The following SLK variants were observed in gnomAD, a reference collection of about 807,000 sequenced individuals.
The protein encoded by SLK is STE20-like serine/threonine-protein kinase.
SLK carries 67 observed loss-of-function variants against 147.7 expected under a neutral mutation model. That is an observed-to-expected ratio of 0.45 (90% CI 0.37 to 0.56). The LOEUF is 0.56. Among genes scored for constraint, SLK ranks in the 20% least tolerant of loss-of-function variants. The pLI, the probability that SLK is intolerant of heterozygous loss-of-function variation, is 0.00. For missense variants in SLK, 1,136 were observed against 1,438.8 expected, an observed-to-expected ratio of 0.79 and a Z score of 3.41; for synonymous variants, 441 against 475.0, an observed-to-expected ratio of 0.93 and a Z score of 0.93.
chr10:103,999,831 A>G (rs1014933534), intron 6 of SLK, 36 bp from the exon 7 acceptor site: 3 of 878,036 alleles, frequency 3.4e-6, no homozygotes, highest in Non-Finnish European at 5.5e-6. Context: ...ATTAACAAGA[A>G]AGTAAAATAG....
intron 1 of SLK, among the ~76,000 whole-genome samples, chr10:103,990,369 C>T (rs928966498): frequency 6.6e-6 from 1 of 152,132 alleles, no homozygotes; most frequent in Non-Finnish European, 1.5e-5. Flanking sequence ...ATCATAGCAA[C>T]AGATGTATCA....
chr10:103,977,216 A>G (rs1843883420), intron 1 of SLK, among the ~76,000 whole-genome samples: 1 of 143,522 alleles, frequency 7.0e-6, no homozygotes, highest in Non-Finnish European at 1.5e-5. Context: ...CCTGATCCAT[A>G]GAGGTATTTT....
At chr10:103,997,565 C>G (rs1844191366) in intron 4 of SLK, among the ~76,000 whole-genome samples, 1 of 150,100 alleles carries the variant, frequency 6.7e-6, no homozygotes, top group Admixed American at 6.6e-5. Context: ...CTTCCAGTTT[C>G]TCCGCATGCT....
chr10:104,006,185 C>A, intron 11 of SLK, 150 bp downstream of exon 11: 1 of 825,908 alleles, frequency 1.2e-6, no homozygotes. Context: ...GCATTTTTAC[C>A]CTTTTGGTGT....
At chr10:104,013,421 C>T (rs1276500358) in intron 13 of SLK, among the ~76,000 whole-genome samples, 1 of 152,190 alleles carries the variant, frequency 6.6e-6, no homozygotes, top group Non-Finnish European at 1.5e-5. Flanking sequence ...GGGGGTTCTA[C>T]TAGCTTAAAA....
At chr10:103,997,603 A>G (rs1043618872) in intron 4 of SLK, among the ~76,000 whole-genome samples, 2 of 151,572 alleles carry the variant, frequency 1.3e-5, no homozygotes, top group African/African-American at 4.9e-5. Flanking sequence ...TTTCTATGCT[A>G]CATCCATCCT....
chr10:103,999,885 C>T lies in SLK; in HGVS notation c.801C>T (p.Asp267=). 2.6e-6 allele frequency: 4 copies of T among 1,519,030 alleles called. No individual in the cohort carries two copies. Among genetic ancestry groups the T allele is most frequent in the Non-Finnish European group, 3.6e-6 (4 of 1,104,218 alleles). 94.1% of individuals were successfully genotyped at this position (1,519,030 alleles called of 1,614,324 possible). ...QPSRWSSNFK[D]FLKKCLEKNV... Reference sequence around the variant, plus strand: ...TTTAAAGGTCTTCAAATTTTAAGGACTTTCTAAAGAAATGCTTAGAAAAGA... The same window carrying T: ...TTTAAAGGTCTTCAAATTTTAAGGATTTTCTAAAGAAATGCTTAGAAAAGA... The change falls in exon 7 of 19, where the codon GAC becomes GAT. Residue 267 remains aspartate (D), a synonymous_variant. Coordinates refer to ENST00000369755, the MANE Select transcript of SLK (RefSeq NM_014720.4).
intron 1 of SLK, among the ~76,000 whole-genome samples, chr10:103,987,438 A>G (rs1844032343): frequency 6.6e-6 from 1 of 152,184 alleles, no homozygotes; most frequent in East Asian, 1.9e-4. Context: ...CTGTTAAGTG[A>G]CATTTAGGCT....
intron 4 of SLK, 56 bp downstream of exon 4, chr10:103,993,189 T>A: frequency 3.0e-6 from 4 of 1,330,332 alleles, no homozygotes; most frequent in Non-Finnish European, 4.2e-6. Context: ...TTTCCATCTT[T>A]ATGTATGTGA....
Position 104,008,291 on chromosome 10 carries a change from A to C in SLK, c.2719A>C (p.Ile907Leu), listed in dbSNP as rs1375607753. 1.9e-6 allele frequency: 3 copies of C among 1,614,052 alleles called. No homozygotes were observed. Among genetic ancestry groups the C allele is most frequent in the African/African-American group, 1.3e-5 (1 of 75,042 alleles). Residue 907 changes from isoleucine (I) to leucine (L), a missense_variant, in exon 12 of 19, where the codon ATC becomes CTC. Physicochemically the swap from Ile to Leu is conservative, Grantham distance 5. Coordinates refer to ENST00000369755, the MANE Select transcript of SLK (RefSeq NM_014720.4). Reference sequence around the variant, plus strand: ...TCGCTTGCGAGATGAAGCCAAACGCATCAAAGGAGAACAAGAGAAAGAGTT... The same window carrying C: ...TCGCTTGCGAGATGAAGCCAAACGCCTCAAAGGAGAACAAGAGAAAGAGTT... Reference protein sequence around the residue: ...TNRLRDEAKRIKGEQEKELSK... With the variant: ...TNRLRDEAKRLKGEQEKELSK...
chr10:104,013,358 C>A (rs1007502963), intron 13 of SLK, among the ~76,000 whole-genome samples: 2 of 152,174 alleles, frequency 1.3e-5, no homozygotes, highest in Admixed American at 6.5e-5. Flanking sequence ...TCAAGCAACA[C>A]CACTTTTGCT....
At chr10:104,013,761 T>C (rs59580363) in intron 13 of SLK, among the ~76,000 whole-genome samples, 2,912 of 152,326 alleles carry the variant, frequency 0.019, 62 homozygotes, top group African/African-American at 0.051. Flanking sequence ...CCTTTTCACA[T>C]GTGCCTTTTC....
Position 104,021,676 on chromosome 10 carries a change from T to G in SLK, c.3504T>G (p.Asp1168Glu), listed in dbSNP as rs750370910. Residue 1168 changes from aspartate (D) to glutamate (E), a missense_variant, in exon 18 of 19, where the codon GAT becomes GAG. By Grantham distance (45) the Asp-to-Glu change is conservative (BLOSUM62 2). Around this residue, in one of 6 missense-constraint regions of SLK, gnomAD observed 327 missense variants for 457.5 expected, o/e 0.71. Transcript: ENST00000369755. The part of the protein sequence containing the change: ...EHETQKLKEL[D>E]EEHSQELKEW... ...AGACTCAGAAACTGAAGGAGTTAGA[T>G]GAGGAACATAGCCAAGAATTAAAGG... 6.2e-7 allele frequency: 1 copy of G among 1,611,388 alleles called. No homozygotes were observed. The highest frequency in any genetic ancestry group is 1.3e-5 in the African/African-American group (1 of 74,934).
At chr10:104,001,058 C>CAAAAAAAAAAAAAAA (rs57046306) in intron 7 of SLK, among the ~76,000 whole-genome samples, 1 of 71,006 alleles carries the variant, frequency 1.4e-5, no homozygotes, top group Non-Finnish European at 2.4e-5. Context: ...GACTCCGTCT[C>CAAAAAAAAAAAAAAA]AAAAAAAAAA....
chr10:104,016,470 G>T (rs771884401), intron 13 of SLK, among the ~76,000 whole-genome samples: 6 of 151,994 alleles, frequency 3.9e-5, no homozygotes, highest in Non-Finnish European at 8.8e-5. Flanking sequence ...AAACTCAGAA[G>T]CCCTTATATT....
intron 11 of SLK, among the ~76,000 whole-genome samples, 153 bp from the exon 12 acceptor site, chr10:104,008,022 CAT>C (rs2134508554): frequency 6.6e-6 from 1 of 152,118 alleles, no homozygotes; most frequent in East Asian, 1.9e-4. Flanking sequence ...ATTTTCATAA[CAT>C]ATTTTAGTGC....
In SLK at chr10:104,010,846, G is replaced by T; in HGVS notation, c.2815G>T (p.Glu939Ter). Residue 939 changes from glutamate to a stop codon, truncating the protein, a stop_gained, in exon 13 of 19, where the codon GAG (glutamate) becomes TAG (stop). Coordinates refer to ENST00000369755, the MANE Select transcript of SLK (RefSeq NM_014720.4). LOFTEE classifies it high-confidence loss of function. ...AAATGAAGTGGAGAAAGCACCCAAA[G>T]AGCTGAGAAAAGAGCTCATGAAACG... ...VINEVEKAPK[E>*]LRKELMKRRK... The T allele has an allele frequency of 6.3e-7, 1 of 1,593,978 alleles. No homozygotes were observed. The highest frequency in any genetic ancestry group is 8.5e-7 in the Non-Finnish European group (1 of 1,174,198).
Position 103,990,740 on chromosome 10 carries a change from A to T in SLK, c.216A>T (p.Glu72Asp). 6.4e-7 allele frequency: 1 copy of T among 1,572,362 alleles called. No individual in the cohort carries two copies. The highest frequency in any genetic ancestry group is 8.6e-7 in the Non-Finnish European group (1 of 1,161,574). Residue 72 changes from glutamate to aspartate, a missense_variant, in exon 2 of 19, where the codon GAA becomes GAT. Coordinates refer to ENST00000369755, the MANE Select transcript of SLK (RefSeq NM_014720.4). The stretch of plus-strand genomic sequence containing the variant: ...TGATTGACACTAAATCTGAAGAAGA[A>T]CTTGAAGATTACATGGTAGAGATTG... ...AKVIDTKSEE[E>D]LEDYMVEIDI...
At chr10:104,024,326 A>G (rs1713509052) in intron 18 of SLK, among the ~76,000 whole-genome samples, 1 of 152,174 alleles carries the variant, frequency 6.6e-6, no homozygotes, top group African/African-American at 2.4e-5. Flanking sequence ...CCTCAAGGAC[A>G]TCTCTTGACA....
Sources: allele counts gnomAD v4.1 joint callset (sites outside exome capture counted in the v4.1 genomes callset), GRCh38; gene constraint gnomAD v4.1.1; regional missense constraint gnomAD v4.1.1; transcripts MANE v1.5; gene names NCBI Gene and HGNC (gene_info 2026-07-23, HGNC 2026-07-21).